DIAPH2: variants seen among roughly 807,000 people sequenced by gnomAD.
DIAPH2 encodes the protein diaphanous related formin 2, also known as protein diaphanous homolog 2.
In DIAPH2, 35 loss-of-function variants were observed where a neutral mutation model predicts 92.7. That is an observed-to-expected ratio of 0.38 (90% CI 0.29 to 0.50). The LOEUF (loss-of-function observed/expected upper bound fraction) is 0.50, where lower values mean the gene tolerates loss of function less well. Ranked by LOEUF, DIAPH2 falls within the 20% of genes least tolerant of loss-of-function variation. The probability of loss-of-function intolerance (pLI) is 0.94; values close to 1 mark genes in which losing one functional copy is unlikely to be tolerated. For synonymous variants in DIAPH2, 301 were observed against 280.4 expected (o/e 1.07, Z -0.73); for missense variants, 701 against 819.5 (o/e 0.86, Z 1.77).
At chrX:97,145,999 T>C (rs942253332) in intron 22 of DIAPH2, among the ~76,000 whole-genome samples, 1 of 93,718 alleles carries the variant, frequency 1.1e-5, no homozygotes. Context: ...ATTTCCTTTT[T>C]CTTCTTCCTT....
At chrX:97,360,187 C>G (rs750859666) in intron 24 of DIAPH2, among the ~76,000 whole-genome samples, 1 of 111,454 alleles carries the variant, frequency 9.0e-6, no homozygotes, top group Non-Finnish European at 1.9e-5. Context: ...TAATCAGGCA[C>G]AAAAGAGCCA....
At chrX:96,759,350 C>G (rs2064253308) in intron 4 of DIAPH2, among the ~76,000 whole-genome samples, 1 of 111,610 alleles carries the variant, frequency 9.0e-6, no homozygotes, top group African/African-American at 3.2e-5. Flanking sequence ...GAATGCTGAG[C>G]TATTTAAACA....
intron 26 of DIAPH2, among the ~76,000 whole-genome samples, chrX:97,532,002 T>C (rs2147851326): frequency 8.9e-6 from 1 of 112,538 alleles, no homozygotes; most frequent in Non-Finnish European, 1.9e-5. Flanking sequence ...AATGTGTGGC[T>C]TCACTCTGAG....
chrX:97,422,471 A>G (rs5921818), intron 25 of DIAPH2, among the ~76,000 whole-genome samples: 3,419 of 112,036 alleles, frequency 0.031, 39 homozygotes, highest in Middle Eastern at 0.046. Context: ...TATCTCACAT[A>G]AAGAAGGGTC....
Position 97,189,429 on chromosome X carries a change from G to A in DIAPH2, c.2719+47635G>A, listed in dbSNP as rs185046636. Among the ~76,000 whole-genome samples, 613 of 97,314 alleles carry A rather than the reference G, an allele frequency of 6.3e-3. 1 individual carries two copies. Among genetic ancestry groups the A allele is most frequent in the Non-Finnish European group, 0.01 (498 of 48,817 alleles). 84.5% of individuals were successfully genotyped at this position (97,314 alleles called of 115,157 possible). ...TATGAAGCTTTTCTCAGAATCAGTC[G>A]TCCCCCCCCCTCCCTCCCTCCCACC... On this transcript the variant is annotated intron_variant, in intron 22 of 26. Transcript: ENST00000324765.
chrX:97,354,272 C>G (rs892793411), intron 24 of DIAPH2, among the ~76,000 whole-genome samples: 1 of 112,062 alleles, frequency 8.9e-6, no homozygotes, highest in Non-Finnish European at 1.9e-5. Context: ...TCCATTCACC[C>G]CATTTTAGTC....
chrX:97,097,878 C>A (rs1209977346), intron 19 of DIAPH2, among the ~76,000 whole-genome samples: 1 of 112,187 alleles, frequency 8.9e-6, no homozygotes, highest in African/African-American at 3.2e-5. Context: ...TATTTACTTA[C>A]CTTCTTATTC....
At chrX:97,214,636 A>T (rs1373392599) in intron 22 of DIAPH2, among the ~76,000 whole-genome samples, 1 of 109,484 alleles carries the variant, frequency 9.1e-6, no homozygotes, top group African/African-American at 3.3e-5. Flanking sequence ...GTTCAAGACC[A>T]ACCTGACCAA....
chrX:97,219,613 C>T (rs1017712627), intron 22 of DIAPH2, among the ~76,000 whole-genome samples: 2 of 111,480 alleles, frequency 1.8e-5, no homozygotes, highest in African/African-American at 6.5e-5. Flanking sequence ...TAGGAATTCT[C>T]AGGTAAAATT....
At chrX:96,939,227 TC>T in intron 11 of DIAPH2, 38 bp from the exon 12 acceptor site, 1 of 603,598 alleles carries the variant, frequency 1.7e-6, no homozygotes, top group East Asian at 3.7e-5. Flanking sequence ...GAATGAGACT[TC>T]CATCAAGGAT....
intron 21 of DIAPH2, among the ~76,000 whole-genome samples, chrX:97,128,571 A>G (rs1159259374): frequency 9.0e-6 from 1 of 111,185 alleles, no homozygotes; most frequent in Non-Finnish European, 1.9e-5. Context: ...TTAACAAAAA[A>G]TTTACTCACT....
At chrX:96,692,113 A>C (rs1361703114) in intron 1 of DIAPH2, among the ~76,000 whole-genome samples, 1 of 112,118 alleles carries the variant, frequency 8.9e-6, no homozygotes. Context: ...AGTTAATGAG[A>C]CTTTTTTACA....
intron 15 of DIAPH2, among the ~76,000 whole-genome samples, chrX:96,952,553 G>A (rs918615518): frequency 1.8e-5 from 2 of 110,014 alleles, no homozygotes; most frequent in African/African-American, 6.6e-5. Context: ...GGCCAACATG[G>A]TGAATCCCCA....
At chrX:97,230,344 G>C (rs2068000753) in intron 22 of DIAPH2, among the ~76,000 whole-genome samples, 1 of 111,435 alleles carries the variant, frequency 9.0e-6, no homozygotes, top group Non-Finnish European at 1.9e-5. Context: ...GGCATTTTTG[G>C]AAAGTTTCCT....
At chrX:96,700,649 A>C (rs2063850174) in intron 1 of DIAPH2, among the ~76,000 whole-genome samples, 1 of 112,332 alleles carries the variant, frequency 8.9e-6, no homozygotes, top group African/African-American at 3.2e-5. Flanking sequence ...TTTTACAGGA[A>C]AAATAAAAAT....
chrX:97,018,871 C>CTGTAAGATACTTCCGTGCCCTAAAAT (rs2066278093), intron 17 of DIAPH2, among the ~76,000 whole-genome samples: 1 of 111,609 alleles, frequency 9.0e-6, no homozygotes, highest in Admixed American at 9.5e-5. Flanking sequence ...AGATGGGTTT[C>CTGTAAGATACTTCCGTGCCCTAAAAT]ACTGCCCTAA....
intron 4 of DIAPH2, among the ~76,000 whole-genome samples, chrX:96,824,747 T>G (rs987100123): frequency 2.7e-5 from 3 of 111,264 alleles, no homozygotes; most frequent in Non-Finnish European, 3.8e-5. Flanking sequence ...TAATTATTTA[T>G]GTAAGGGTTT....
rs58161143 is a variant in DIAPH2 at position 97,437,761 on chromosome X, T to TACACACAC, written c.3241+8043_3241+8050dup. 3.1e-3 allele frequency among the ~76,000 whole-genome samples: 297 copies of TACACACAC among 95,746 alleles called. 1 individual carries two copies. Among genetic ancestry groups the TACACACAC allele is most frequent in the African/African-American group, 0.01 (274 of 26,287 alleles). 83.1% of individuals were successfully genotyped at this position (95,746 alleles called of 115,157 possible). ...TTTAAAGTAAAGGATTACATGATTT[T>TACACACAC]ACACACACACACACACACACACACA... On this transcript the variant is annotated intron_variant, in intron 26 of 26. Coordinates refer to ENST00000324765, the MANE Select transcript of DIAPH2 (RefSeq NM_006729.5).
intron 4 of DIAPH2, among the ~76,000 whole-genome samples, chrX:96,837,421 CTCTCTCTCTCTCTGTG>C (rs1285417030): frequency 1.3e-3 from 93 of 69,546 alleles, no homozygotes; most frequent in African/African-American, 7.0e-3. Flanking sequence ...CTCTCTCTCT[CTCTCTCTCTCTCTGTG>C]TGTGTGTGTG....
Sources: allele counts gnomAD v4.1 joint callset (sites outside exome capture counted in the v4.1 genomes callset), GRCh38; gene constraint gnomAD v4.1.1; transcripts MANE v1.5; gene names NCBI Gene and HGNC (gene_info 2026-07-23, HGNC 2026-07-21).